RARB: variants seen among roughly 807,000 people sequenced by gnomAD.
The protein encoded by RARB is HBV-activated protein.
RARB carries 17 observed loss-of-function variants against 51.9 expected under a neutral mutation model. The observed-to-expected ratio is 0.33, with a 90% CI of 0.22 to 0.49. The LOEUF is 0.49. Ranked by LOEUF, RARB falls within the 20% of genes least tolerant of loss-of-function variation. RARB has a pLI of 0.99. For missense variants in RARB, 369 were observed against 550.8 expected, an observed-to-expected ratio of 0.67 and a Z score of 3.30; for synonymous variants, 215 against 195.4, an observed-to-expected ratio of 1.10 and a Z score of -0.84.
At chr3:25,210,628 T>C (rs1701673732) in intron 5 of RARB, among the ~76,000 whole-genome samples, 1 of 144,470 alleles carries the variant, frequency 6.9e-6, no homozygotes. Flanking sequence ...CTCCACCTCC[T>C]GGGTTCAAGA....
At chr3:24,960,589 C>CA (rs1295457198) in intron 2 of RARB, among the ~76,000 whole-genome samples, 1 of 152,134 alleles carries the variant, frequency 6.6e-6, no homozygotes, top group Non-Finnish European at 1.5e-5. Context: ...AAATTGTGAA[C>CA]ACCTTCCAGG....
intron 5 of RARB, among the ~76,000 whole-genome samples, chr3:25,254,791 A>G (rs1180336821): frequency 1.3e-5 from 2 of 152,100 alleles, no homozygotes; most frequent in Admixed American, 1.3e-4. Flanking sequence ...AGACAGTGTG[A>G]TGATATTTGG....
intron 2 of RARB, among the ~76,000 whole-genome samples, chr3:24,885,802 C>T (rs934483005): frequency 2.0e-5 from 3 of 152,106 alleles, no homozygotes; most frequent in Non-Finnish European, 4.4e-5. Context: ...ATTTGGGAAA[C>T]CAGATGATGT....
chr3:24,947,970 T>G (rs1269798650), intron 2 of RARB, among the ~76,000 whole-genome samples: 1 of 152,242 alleles, frequency 6.6e-6, no homozygotes, highest in Non-Finnish European at 1.5e-5. Context: ...GAAGTGGCTA[T>G]GTAAAGAACA....
intron 5 of RARB, among the ~76,000 whole-genome samples, chr3:25,182,204 A>T (rs2125357986): frequency 6.6e-6 from 1 of 152,330 alleles, no homozygotes; most frequent in South Asian, 2.1e-4. Flanking sequence ...TGAATGAATG[A>T]ATACATGAAT....
intron 2 of RARB, among the ~76,000 whole-genome samples, chr3:24,967,090 TCA>T (rs1402679695): frequency 6.6e-6 from 1 of 152,164 alleles, no homozygotes; most frequent in Non-Finnish European, 1.5e-5. Context: ...GTCAACAATT[TCA>T]CAGAGAAATT....
chr3:25,268,578 C>A (rs1218974718), intron 5 of RARB, among the ~76,000 whole-genome samples: 2 of 152,054 alleles, frequency 1.3e-5, no homozygotes, highest in African/African-American at 4.8e-5. Context: ...TAATGTTAGC[C>A]CCTCTTTTAC....
intron 3 of RARB, among the ~76,000 whole-genome samples, chr3:25,063,321 T>C (rs1340779887): frequency 6.6e-6 from 1 of 152,074 alleles, no homozygotes. Flanking sequence ...GAAGGTGTTA[T>C]GTCTTCTGTA....
At chr3:24,997,431 A>G (rs888867882) in intron 2 of RARB, among the ~76,000 whole-genome samples, 1 of 151,610 alleles carries the variant, frequency 6.6e-6, no homozygotes, top group Non-Finnish European at 1.5e-5. Flanking sequence ...AATGTACTCA[A>G]TTTGCATTCA....
chr3:25,218,751 C>T (rs879613150), intron 5 of RARB, among the ~76,000 whole-genome samples: 9 of 152,174 alleles, frequency 5.9e-5, no homozygotes, highest in African/African-American at 1.9e-4. Context: ...CTGGGGAAAG[C>T]TATAGAGAGT....
At chr3:25,032,652 C>G (rs1347204637) in intron 2 of RARB, among the ~76,000 whole-genome samples, 2 of 152,160 alleles carry the variant, frequency 1.3e-5, no homozygotes, top group African/African-American at 4.8e-5. Context: ...CTGTGTGAGA[C>G]ACAGTCACTT....
intron 5 of RARB, among the ~76,000 whole-genome samples, chr3:25,403,186 G>A (rs1348897510): frequency 6.6e-6 from 1 of 150,952 alleles, no homozygotes; most frequent in Non-Finnish European, 1.5e-5. Context: ...AAATGAGTGA[G>A]ACCTAGTATT....
intron 3 of RARB, among the ~76,000 whole-genome samples, chr3:25,129,460 A>G (rs887925935): frequency 6.6e-6 from 1 of 152,116 alleles, no homozygotes; most frequent in Non-Finnish European, 1.5e-5. Flanking sequence ...TTCAATTTGT[A>G]TTGAAATAAC....
chr3:25,250,196 G>A (rs147404997), intron 5 of RARB, among the ~76,000 whole-genome samples: 1 of 152,176 alleles, frequency 6.6e-6, no homozygotes, highest in Non-Finnish European at 1.5e-5. Context: ...CTTGTTCTCA[G>A]GCCCCTGTGA....
intron 5 of RARB, among the ~76,000 whole-genome samples, chr3:25,192,018 T>C (rs866451823): frequency 2.0e-5 from 3 of 152,102 alleles, no homozygotes; most frequent in South Asian, 2.1e-4. Context: ...GAAGTACTTA[T>C]TTAAACAGCT....
intron 5 of RARB, among the ~76,000 whole-genome samples, chr3:25,265,591 G>A (rs549128049): frequency 6.6e-5 from 10 of 152,192 alleles, no homozygotes; most frequent in African/African-American, 2.4e-4. Flanking sequence ...TCCCACTTCA[G>A]CCTCTTAAGT....
At chr3:25,379,188 C>A (rs1203185871) in intron 5 of RARB, among the ~76,000 whole-genome samples, 1 of 152,104 alleles carries the variant, frequency 6.6e-6, no homozygotes, top group African/African-American at 2.4e-5. Flanking sequence ...CACACGTTGA[C>A]AGGTAGCTGC....
intron 3 of RARB, among the ~76,000 whole-genome samples, chr3:25,105,507 A>T (rs1035822497): frequency 7.3e-5 from 11 of 150,878 alleles, no homozygotes; most frequent in Non-Finnish European, 1.5e-4. Flanking sequence ...ACTGCTTCTG[A>T]TATAATAGCC....
intron 2 of RARB, among the ~76,000 whole-genome samples, chr3:24,958,253 A>AGGTTTT (rs1696060572): frequency 3.4e-5 from 2 of 58,704 alleles, no homozygotes; most frequent in East Asian, 8.0e-4. Flanking sequence ...TGAGCTGCTC[A>AGGTTTT]GGTTTTTTTT....
Sources: allele counts gnomAD v4.1 joint callset (sites outside exome capture counted in the v4.1 genomes callset), GRCh38; gene constraint gnomAD v4.1.1; transcripts MANE v1.5; gene names NCBI Gene and HGNC (gene_info 2026-07-23, HGNC 2026-07-21).